The following GPR176 variants were observed in gnomAD, a reference collection of about 807,000 sequenced individuals.
The protein encoded by GPR176 is G-protein coupled receptor 176.
Under a neutral mutation model 35.4 loss-of-function variants are expected in GPR176, and 26 were observed. The ratio of observed to expected loss-of-function variants is 0.74; its 90% CI spans 0.54 to 1.02. GPR176 has a LOEUF of 1.02. Ranked by LOEUF, GPR176 falls within the 50% of genes least tolerant of loss-of-function variation. The probability of loss-of-function intolerance (pLI) is 0.00; values close to 1 mark genes in which losing one functional copy is unlikely to be tolerated. For synonymous variants in GPR176, 278 were observed against 271.3 expected, an observed-to-expected ratio of 1.02 and a Z score of -0.24; for missense variants, 597 against 665.3, an observed-to-expected ratio of 0.90 and a Z score of 1.13.
chr15:39,828,597 A>C lies in GPR176; in HGVS notation c.173-21339T>G, dbSNP rs1900842441. Among the ~76,000 whole-genome samples, 3 of 152,232 alleles carry C rather than the reference A, an allele frequency of 2.0e-5. No individual in the cohort carries two copies. In the South Asian group the frequency reaches 6.2e-4, roughly 32 times the overall value. ...GAGCAGCTTTACCAGCAGAGATCAA[A>C]GGTGCCAGACGTGGTTTCTTTTGAT... is the stretch of plus-strand genomic sequence containing the variant. On this transcript the variant is annotated intron_variant, in intron 1 of 2. Coordinates refer to ENST00000561100, the MANE Select transcript of GPR176 (RefSeq NM_007223.3).
chr15:39,840,949 C>A (rs2140790129), intron 1 of GPR176, among the ~76,000 whole-genome samples: 1 of 152,204 alleles, frequency 6.6e-6, no homozygotes, highest in African/African-American at 2.4e-5. Flanking sequence ...AAAAAGAAAG[C>A]CATATGATTT....
At chr15:39,807,592 T>C (rs549768468) in intron 1 of GPR176, 82 of 1,445,860 alleles carry the variant, frequency 5.7e-5, no homozygotes, top group African/African-American at 7.0e-5. Context: ...TCTGCTCTTA[T>C]CAAGTTTTCT....
chr15:39,882,880 T>C (rs1595504305), intron 1 of GPR176, among the ~76,000 whole-genome samples: 1 of 152,358 alleles, frequency 6.6e-6, no homozygotes, highest in South Asian at 2.1e-4. Flanking sequence ...GGAACATTCC[T>C]GTTCCACACA....
At chr15:39,845,611 C>T (rs1408997321) in intron 1 of GPR176, among the ~76,000 whole-genome samples, 2 of 151,972 alleles carry the variant, frequency 1.3e-5, no homozygotes, top group African/African-American at 2.4e-5. Context: ...TCTGTTAACG[C>T]TCCCCTGGTG....
intron 1 of GPR176, among the ~76,000 whole-genome samples, chr15:39,867,049 C>T (rs754861904): frequency 2.6e-5 from 4 of 152,126 alleles, no homozygotes; most frequent in Non-Finnish European, 5.9e-5. Context: ...GTATAATCAA[C>T]ATGTGGCACA....
At chr15:39,893,861 A>T (rs1310457925) in intron 1 of GPR176, among the ~76,000 whole-genome samples, 1 of 139,268 alleles carries the variant, frequency 7.2e-6, no homozygotes, top group East Asian at 2.3e-4. Flanking sequence ...GCGGCCGGGC[A>T]GAGGCGCCCC....
At chr15:39,813,186 C>G (rs1054995594) in intron 1 of GPR176, 1 of 152,090 alleles carries the variant, frequency 6.6e-6, no homozygotes, top group Non-Finnish European at 1.5e-5. Flanking sequence ...AGTCATTTAA[C>G]GTTTAGAGTA....
intron 1 of GPR176, among the ~76,000 whole-genome samples, chr15:39,877,550 CTT>C (rs56071903): frequency 0.75 from 99,087 of 131,872 alleles, 36,102 homozygotes; most frequent in Admixed American, 0.78. Context: ...TCTTCTTCTT[CTT>C]TTTTTTTTTT....
At chr15:39,865,112 T>G (rs1475528664) in intron 1 of GPR176, among the ~76,000 whole-genome samples, 1 of 152,086 alleles carries the variant, frequency 6.6e-6, no homozygotes, top group Non-Finnish European at 1.5e-5. Context: ...GGAATTTAAA[T>G]GAGTATAACC....
intron 1 of GPR176, among the ~76,000 whole-genome samples, chr15:39,896,039 T>G (rs1196986834): frequency 2.0e-5 from 3 of 152,164 alleles, no homozygotes; most frequent in Non-Finnish European, 4.4e-5. Context: ...CACAACAATA[T>G]TTTCAGAATT....
chr15:39,916,614 C>T (rs893181197), intron 1 of GPR176, among the ~76,000 whole-genome samples: 2 of 151,914 alleles, frequency 1.3e-5, no homozygotes, highest in Non-Finnish European at 2.9e-5. Flanking sequence ...AAAAAGAAGT[C>T]TATTTAGAGA....
Position 39,801,587 on chromosome 15 carries a change from A to G in GPR176, c.1093T>C (p.Ser365Pro). 2 of 1,613,654 alleles carry G rather than the reference A, an allele frequency of 1.2e-6. No homozygotes were observed. Among genetic ancestry groups the G allele is most frequent in the Non-Finnish European group, 1.7e-6 (2 of 1,179,598 alleles). The part of the protein sequence containing the change: ...AEASLEPSIR[S>P]GSQLLEMFHI... ...AACATCTCCAGGAGCTGGCTACCCG[A>G]GCGTATGCTGGGTTCCAGGCTGGCC... The change falls in exon 3 of 3, where the codon TCG (serine) becomes CCG (proline). Residue 365 changes from serine to proline, a missense_variant. Physicochemically the swap from Ser to Pro is moderately conservative, Grantham distance 74. Coordinates refer to ENST00000561100, the MANE Select transcript of GPR176 (RefSeq NM_007223.3).
intron 1 of GPR176, among the ~76,000 whole-genome samples, chr15:39,813,877 T>C (rs1374893553): frequency 2.6e-5 from 4 of 152,170 alleles, no homozygotes; most frequent in African/African-American, 9.7e-5. Flanking sequence ...GGAATTGAAC[T>C]GAATATTTAC....
chr15:39,831,440 G>GC (rs1901069716), intron 1 of GPR176, among the ~76,000 whole-genome samples: 2 of 152,024 alleles, frequency 1.3e-5, no homozygotes, highest in Non-Finnish European at 2.9e-5. Context: ...TTTCCCCATG[G>GC]ATGCCTCACA....
At chr15:39,813,673 C>T (rs1899718784) in intron 1 of GPR176, 1 of 152,042 alleles carries the variant, frequency 6.6e-6, no homozygotes, top group Admixed American at 6.6e-5. Flanking sequence ...TGTGTACGCA[C>T]ACACCTTGGT....
chr15:39,890,139 C>A (rs1194226417), intron 1 of GPR176, among the ~76,000 whole-genome samples: 1 of 152,068 alleles, frequency 6.6e-6, no homozygotes, highest in African/African-American at 2.4e-5. Flanking sequence ...AATCACAAAC[C>A]ACTACAAATT....
Position 39,829,221 on chromosome 15 carries a change from A to G in GPR176, c.173-21963T>C. 7 of 1,506,194 alleles carry G rather than the reference A, an allele frequency of 4.6e-6. No homozygotes were observed. In the South Asian group the frequency reaches 8.8e-5, roughly 19 times the overall value. 93.3% of individuals were successfully genotyped at this position (1,506,194 alleles called of 1,614,324 possible). ...TCACAACGCAACCCCCAACACTGAG[A>G]ACAAAGACCAAAGATGTGTCGCTGG... On this transcript the variant is annotated intron_variant, in intron 1 of 2. Transcript: ENST00000561100.
At chr15:39,834,720 G>A in intron 1 of GPR176, among the ~76,000 whole-genome samples, 1 of 152,134 alleles carries the variant, frequency 6.6e-6, no homozygotes, top group Non-Finnish European at 1.5e-5. Context: ...TTTTGTGGGA[G>A]CTAAAAACTA....
At chr15:39,913,088 G>A (rs1377756860) in intron 1 of GPR176, among the ~76,000 whole-genome samples, 3 of 152,094 alleles carry the variant, frequency 2.0e-5, no homozygotes, top group Non-Finnish European at 4.4e-5. Flanking sequence ...TAAACAAAAT[G>A]TAATATATCC....
Sources: gnomAD v4.1 joint callset for allele counts (sites outside exome capture counted in the v4.1 genomes callset) on GRCh38, gnomAD v4.1.1 for gene constraint, MANE v1.5 for transcripts, NCBI Gene and HGNC (gene_info 2026-07-23, HGNC 2026-07-21) for gene names.